The following FMNL3 variants were observed in gnomAD, a reference collection of about 807,000 sequenced individuals.
The protein encoded by FMNL3 is formin like 3.
A neutral mutation model predicts 119.6 loss-of-function variants in FMNL3; 57 were observed. The observed-to-expected ratio is 0.48, with a 90% confidence interval of 0.39 to 0.59. The LOEUF is 0.59. Ranked by LOEUF, FMNL3 falls within the 20% of genes least tolerant of loss-of-function variation. The pLI is 0.00. For missense variants in FMNL3, 1,053 were observed against 1,323.5 expected (o/e 0.80, Z 3.17); for synonymous variants, 491 against 507.3 (o/e 0.97, Z 0.43).
intron 1 of FMNL3, among the ~76,000 whole-genome samples, chr12:49,678,298 C>T (rs1175125359): frequency 6.6e-6 from 1 of 152,176 alleles, no homozygotes; most frequent in East Asian, 1.9e-4. Flanking sequence ...GCTGGGACTA[C>T]AGGCGCGCAC....
chr12:49,641,853 C>G lies in FMNL3; in HGVS notation c.*3962G>C. The stretch of plus-strand genomic sequence containing the variant: ...TCTGTAATGTGACCACTCTGCCTGC[C>G]AGCTTTGGCCTCAGGCACGTGGTGC... On this transcript the variant is annotated 3_prime_UTR_variant, in exon 26 of 26. Coordinates refer to ENST00000335154, the MANE Select transcript of FMNL3 (RefSeq NM_175736.5). The G allele has an allele frequency of 1.4e-5, 20 of 1,473,404 alleles. No individual in the cohort carries two copies. The highest frequency in any genetic ancestry group is 1.9e-5 in the Non-Finnish European group (20 of 1,057,268). The allele number at this position is 1,473,404 out of a possible 1,614,324, so 91.3% of individuals were successfully genotyped here.
chr12:49,640,377 T>C lies in FMNL3; in HGVS notation c.*5438A>G, dbSNP rs1312359306. 1 of 152,252 alleles carries C rather than the reference T, an allele frequency of 6.6e-6. No individual in the cohort carries two copies. The highest frequency in any genetic ancestry group is 2.4e-5 in the African/African-American group (1 of 41,448). 9.4% of individuals were successfully genotyped at this position (152,252 alleles called of 1,614,324 possible). On this transcript the variant is annotated 3_prime_UTR_variant, in exon 26 of 26. Coordinates refer to ENST00000335154, the MANE Select transcript of FMNL3 (RefSeq NM_175736.5). ...GGTAGTGAAAGAGGACTAAGTGCTG[T>C]TCTCAGGAACATGCATATGCAAGAG...
At chr12:49,654,024 G>T in intron 11 of FMNL3, 150 bp from the exon 12 acceptor site, 1 of 1,283,830 alleles carries the variant, frequency 7.8e-7, no homozygotes, top group Non-Finnish European at 1.1e-6. Flanking sequence ...CCCCCATGGA[G>T]CTGCCTGACT....
intron 21 of FMNL3, 110 bp downstream of exon 21, chr12:49,648,919 A>G (rs1256741511): frequency 2.7e-6 from 4 of 1,470,184 alleles, no homozygotes; most frequent in Middle Eastern, 2.3e-4. Context: ...CAGAAAGAAG[A>G]TAACAAAAGC....
At chr12:49,659,684 G>T in intron 5 of FMNL3, 1 of 822,614 alleles carries the variant, frequency 1.2e-6, no homozygotes, top group Non-Finnish European at 1.5e-6. Flanking sequence ...AAAGCTCTGG[G>T]ATTACATGTG....
In FMNL3 at chr12:49,637,056, A is replaced by G; in HGVS notation, c.*8759T>C. ...GTGCTCTTCTAGGGAGACTAGATGTATGCACCACCCAGAAACTGCCAGTAG... is the reference window on the plus strand; with the variant it reads ...GTGCTCTTCTAGGGAGACTAGATGTGTGCACCACCCAGAAACTGCCAGTAG... On this transcript the variant is annotated 3_prime_UTR_variant, in exon 26 of 26. Transcript: ENST00000335154. The G allele has an allele frequency of 4.0e-6, 3 of 742,060 alleles. No homozygotes were observed. The highest frequency in any genetic ancestry group is 3.8e-5 in the South Asian group (2 of 53,034). The allele number at this position is 742,060 out of a possible 1,614,324, so 46.0% of individuals were successfully genotyped here. A position where few individuals can be genotyped will look rare whatever the true frequency, so the allele number is the denominator to read the frequency against.
rs1312652530 is a variant in FMNL3 at position 49,639,569 on chromosome 12, T to G, written c.*6246A>C. 6.6e-6 allele frequency: 1 copy of G among 151,848 alleles called. No individual in the cohort carries two copies. The highest frequency in any genetic ancestry group is 1.5e-5 in the Non-Finnish European group (1 of 67,972). The allele number at this position is 151,848 out of a possible 1,614,324, so 9.4% of individuals were successfully genotyped here. ...GCCTTGAGACAAGCAAGGGTTGGAG[T>G]TGAGTATGGGGGGATTTGGTGCTGC... On this transcript the variant is annotated 3_prime_UTR_variant, in exon 26 of 26. Transcript: ENST00000335154.
intron 1 of FMNL3, among the ~76,000 whole-genome samples, chr12:49,678,087 C>T (rs1467222850): frequency 1.3e-5 from 2 of 152,006 alleles, no homozygotes; most frequent in Non-Finnish European, 2.9e-5. Context: ...TGGTCTCGAT[C>T]TCCTGACTTC....
Position 49,644,169 on chromosome 12 carries a change from C to T in FMNL3, c.*1646G>A. 1 of 1,614,144 alleles carries T rather than the reference C, an allele frequency of 6.2e-7. No homozygotes were observed. Among genetic ancestry groups the T allele is most frequent in the Non-Finnish European group, 8.5e-7 (1 of 1,180,038 alleles). The stretch of plus-strand genomic sequence containing the variant: ...GGAGAGGCGGCGGCGGACACTCCTA[C>T]AGCAGCTGGATGATCACCAGTGACC... On this transcript the variant is annotated 3_prime_UTR_variant, in exon 26 of 26. Transcript: ENST00000335154.
chr12:49,649,531 T>C lies in FMNL3; in HGVS notation c.2243A>G (p.Asn748Ser), dbSNP rs1379015691. 1.4e-5 allele frequency: 23 copies of C among 1,614,044 alleles called. No homozygotes were observed. Among genetic ancestry groups the C allele is most frequent in the Non-Finnish European group, 1.7e-5 (20 of 1,180,046 alleles). The change falls in exon 19 of 26, where the codon AAT becomes AGT. Residue 748 changes from asparagine (N) to serine (S), a missense_variant. Coordinates refer to ENST00000335154, the MANE Select transcript of FMNL3 (RefSeq NM_175736.5). This position sits in a 1 kb window ranked among gnomAD's most constrained non-coding sequence, Gnocchi z 5.6. ...GGAAGCGGACGCCGCAATGATGGCATTGAGTTGCTGTAGGACAATATGAAC... is the reference window on the plus strand; with the variant it reads ...GGAAGCGGACGCCGCAATGATGGCACTGAGTTGCTGTAGGACAATATGAAC... ...DNLQMLTPQLNAIIAASASVK... is the reference protein window; with the variant it reads ...DNLQMLTPQLSAIIAASASVK...
chr12:49,652,434 T>C (rs1943434559), intron 13 of FMNL3, among the ~76,000 whole-genome samples: 1 of 152,010 alleles, frequency 6.6e-6, no homozygotes, highest in Admixed American at 6.6e-5. Flanking sequence ...CCCTGAAGTG[T>C]CCTCTCTGCT....
rs369007204 is a variant in FMNL3, at chr12:49,644,016, G to A, written c.*1799C>T. On this transcript the variant is annotated 3_prime_UTR_variant, in exon 26 of 26. Transcript: ENST00000335154. ...TCAAGAAGGAGAAGGTGAGGGGCAG[G>A]GGCCCTAGGCCAGTCAGCACGCTGG... is the stretch of plus-strand genomic sequence containing the variant. The A allele has an allele frequency of 1.2e-6, 2 of 1,614,030 alleles. No individual in the cohort carries two copies. Among genetic ancestry groups the A allele is most frequent in the Non-Finnish European group, 1.7e-6 (2 of 1,180,026 alleles).
At chr12:49,651,557 A>C (rs1236244842) in intron 14 of FMNL3, 107 bp from the exon 15 acceptor site, 19 of 924,882 alleles carry the variant, frequency 2.1e-5, no homozygotes, top group East Asian at 6.0e-5. Context: ...AAAAAAAAAA[A>C]CTCTCAGAGA....
At position 49,649,249 on chromosome 12, in the gene FMNL3, A is replaced by C. The variant is rs1252772197; in HGVS notation, c.2385+10T>G. The C allele has an allele frequency of 5.0e-6, 8 of 1,613,956 alleles. No individual in the cohort carries two copies. Among genetic ancestry groups the C allele is most frequent in the Non-Finnish European group, 5.9e-6 (7 of 1,180,008 alleles). On this transcript the variant is annotated intron_variant, in intron 20 of 25. Coordinates refer to ENST00000335154, the MANE Select transcript of FMNL3 (RefSeq NM_175736.5). This position sits in a 1 kb window ranked among gnomAD's most constrained non-coding sequence, Gnocchi z 5.6. ...AGGCTTCCTGGCCCACGCTGCCCTC[A>C]CCATCTTACCAGATCCAGGCTCTGG... is the stretch of plus-strand genomic sequence containing the variant.
intron 9 of FMNL3, 26 bp downstream of exon 9, chr12:49,656,378 C>T (rs374933424): frequency 1.9e-6 from 3 of 1,598,974 alleles, no homozygotes; most frequent in Non-Finnish European, 2.6e-6. Context: ...AACACACACA[C>T]ACACACGCGA....
Position 49,641,954 on chromosome 12 carries a change from C to T in FMNL3, c.*3861G>A. 1 of 1,613,930 alleles carries T rather than the reference C, an allele frequency of 6.2e-7. No homozygotes were observed. Among genetic ancestry groups the T allele is most frequent in the Non-Finnish European group, 8.5e-7 (1 of 1,180,044 alleles). On this transcript the variant is annotated 3_prime_UTR_variant, in exon 26 of 26. Transcript: ENST00000335154. ...GTGAACACGGCCTTTGAGGACTTCGCCCACGTCATAAGCTTTGACAAGAGG... is the reference window on the plus strand; with the variant it reads ...GTGAACACGGCCTTTGAGGACTTCGTCCACGTCATAAGCTTTGACAAGAGG...
At chr12:49,648,538 A>G (rs1013633520) in intron 21 of FMNL3, among the ~76,000 whole-genome samples, 185 bp from the exon 22 acceptor site, 1 of 152,218 alleles carries the variant, frequency 6.6e-6, no homozygotes, top group Non-Finnish European at 1.5e-5. Context: ...AATGGAATGG[A>G]AACTGAGCTT....
intron 6 of FMNL3, 75 bp downstream of exon 6, chr12:49,658,367 C>T (rs1943635228): frequency 4.0e-6 from 6 of 1,497,406 alleles, no homozygotes; most frequent in Non-Finnish European, 5.3e-6. Context: ...GGAGCATGAG[C>T]ACTCACTGCT....
At chr12:49,680,659 G>C (rs1944312247) in intron 1 of FMNL3, among the ~76,000 whole-genome samples, 1 of 152,158 alleles carries the variant, frequency 6.6e-6, no homozygotes, top group African/African-American at 2.4e-5. Flanking sequence ...TTAACCTTTT[G>C]AGAGTTCCCT....
Sources: gnomAD v4.1 joint callset for allele counts (sites outside exome capture counted in the v4.1 genomes callset) on GRCh38, gnomAD v4.1.1 for gene constraint, Gnocchi (gnomAD v3.1) non-coding constraint, MANE v1.5 for transcripts, NCBI Gene and HGNC (gene_info 2026-07-23, HGNC 2026-07-21) for gene names.